The following CACNB2 variants were observed in gnomAD, a reference collection of about 807,000 sequenced individuals.
The protein encoded by CACNB2 is calcium voltage-gated channel auxiliary subunit beta 2, also known as voltage-dependent L-type calcium channel subunit beta-2.
CACNB2 carries 42 observed loss-of-function variants against 73.3 expected under a neutral mutation model. The ratio of observed to expected loss-of-function variants is 0.57; its 90% CI spans 0.45 to 0.74. The LOEUF is 0.74. Ranked by LOEUF, CACNB2 falls within the 30% of genes least tolerant of loss-of-function variation. CACNB2 has a pLI of 0.00. For synonymous variants in CACNB2, 348 were observed against 310.3 expected, an observed-to-expected ratio of 1.12 and a Z score of -1.28; for missense variants, 940 against 853.0, an observed-to-expected ratio of 1.10 and a Z score of -1.27.
At chr10:18,243,363 T>A (rs532562159) in intron 2 of CACNB2, among the ~76,000 whole-genome samples, 2 of 152,220 alleles carry the variant, frequency 1.3e-5, no homozygotes, top group East Asian at 1.9e-4. Context: ...GAATTTTGTG[T>A]TTAAGGGTAG....
chr10:18,514,115 T>C (rs1589616867), intron 6 of CACNB2, 121 bp from the exon 7 acceptor site: 4 of 974,034 alleles, frequency 4.1e-6, no homozygotes, highest in Middle Eastern at 2.8e-4. Context: ...TCTTGCGTAC[T>C]GTGTTGAGCA....
At chr10:18,279,194 C>T (rs1588921522) in intron 2 of CACNB2, among the ~76,000 whole-genome samples, 1 of 152,288 alleles carries the variant, frequency 6.6e-6, no homozygotes, top group East Asian at 1.9e-4. Context: ...TGTCCCAGAA[C>T]TGGTAAAACA....
chr10:18,277,003 G>C (rs2038322560), intron 2 of CACNB2, among the ~76,000 whole-genome samples: 1 of 152,324 alleles, frequency 6.6e-6, no homozygotes, highest in African/African-American at 2.4e-5. Flanking sequence ...TGCAGTCCCA[G>C]CTACTTGGGA....
At chr10:18,241,913 C>T (rs575831683) in intron 2 of CACNB2, among the ~76,000 whole-genome samples, 1 of 151,966 alleles carries the variant, frequency 6.6e-6, no homozygotes, top group African/African-American at 2.4e-5. Context: ...GTGGATTGAT[C>T]ATCTTGGTTA....
intron 2 of CACNB2, among the ~76,000 whole-genome samples, chr10:18,336,963 C>G (rs1183370711): frequency 6.6e-6 from 1 of 152,200 alleles, no homozygotes; most frequent in Non-Finnish European, 1.5e-5. Context: ...TAAATACCCT[C>G]AAACCACTAC....
At chr10:18,360,106 A>T (rs538494798) in intron 2 of CACNB2, among the ~76,000 whole-genome samples, 1 of 152,322 alleles carries the variant, frequency 6.6e-6, no homozygotes, top group East Asian at 1.9e-4. Flanking sequence ...ATGAATCAAC[A>T]TTGTAAGAAC....
At chr10:18,451,614 A>G (rs2047026623) in intron 3 of CACNB2, among the ~76,000 whole-genome samples, 1 of 151,992 alleles carries the variant, frequency 6.6e-6, no homozygotes, top group Non-Finnish European at 1.5e-5. Context: ...ATGTTTGACC[A>G]TTTTCTTTGT....
intron 2 of CACNB2, among the ~76,000 whole-genome samples, chr10:18,215,938 A>G (rs2035493635): frequency 6.6e-6 from 1 of 152,130 alleles, no homozygotes; most frequent in South Asian, 2.1e-4. Context: ...GCTTATGGTT[A>G]TGTAGACTTT....
rs756678637 is a variant in CACNB2, at chr10:18,150,853, G to GTATTTTTTTTTTT, written c.121-29_121-28insATTTTTTTTTTTT. The GTATTTTTTTTTTT allele has an allele frequency of 8.1e-5, 53 of 655,448 alleles. 1 individual carries two copies. Among genetic ancestry groups the GTATTTTTTTTTTT allele is most frequent in the Non-Finnish European group, 9.9e-5 (48 of 482,544 alleles). The allele number at this position is 655,448 out of a possible 1,614,324, so 40.6% of individuals were successfully genotyped here. On this transcript the variant is annotated intron_variant, in intron 1 of 13. Coordinates refer to ENST00000324631, the MANE Select transcript of CACNB2 (RefSeq NM_201596.3). ...AAAGGGTCTCATAATAATCTTATTT[G>GTATTTTTTTTTTT]TCTTTTTTTTTTTTTTTTTTTTTTT... is the stretch of plus-strand genomic sequence containing the variant.
In CACNB2 at chr10:18,140,757, C is replaced by T; in HGVS notation, c.21C>T (p.Ser7=). 1 of 1,595,226 alleles carries T rather than the reference C, an allele frequency of 6.3e-7. No homozygotes were observed. The highest frequency in any genetic ancestry group is 8.5e-7 in the Non-Finnish European group (1 of 1,172,492). MVQRDM[S]KSPPTAAAAV... is the part of the protein sequence containing the mutation. ...CGCCAATGGTCCAAAGGGACATGTC[C>T]AAGTCGCCTCCCACAGCGGCGGCGG... The change falls in exon 1 of 14, where the codon TCC becomes TCT. Residue 7 remains serine (S), a synonymous_variant. Transcript: ENST00000324631.
At chr10:18,246,973 CATA>C (rs2036887661) in intron 2 of CACNB2, among the ~76,000 whole-genome samples, 1 of 152,142 alleles carries the variant, frequency 6.6e-6, no homozygotes, top group Non-Finnish European at 1.5e-5. Flanking sequence ...GCCTGCCTTG[CATA>C]CCCCGTGAAA....
At chr10:18,530,776 C>G (rs999750952) in intron 10 of CACNB2, among the ~76,000 whole-genome samples, 1 of 152,146 alleles carries the variant, frequency 6.6e-6, no homozygotes, top group Admixed American at 6.6e-5. Context: ...GTAACTATAA[C>G]GGAAGCTTTG....
chr10:18,297,392 G>A (rs1338116099), intron 2 of CACNB2, among the ~76,000 whole-genome samples: 2 of 152,040 alleles, frequency 1.3e-5, no homozygotes, highest in Non-Finnish European at 2.9e-5. Context: ...AAAACATTTA[G>A]AAGAATTTTT....
rs187058817 is a variant in CACNB2 at position 18,371,374 on chromosome 10, C to T, written c.214-30550C>T. On this transcript the variant is annotated intron_variant, in intron 2 of 13. Coordinates refer to ENST00000324631, the MANE Select transcript of CACNB2 (RefSeq NM_201596.3). The stretch of plus-strand genomic sequence containing the variant: ...CTCCCCCCTTTCCCCGACCCCACAA[C>T]GGGCCCCGGTGTGTGATGTTCCCCT... Among the ~76,000 whole-genome samples, 558 of 152,136 alleles carry T rather than the reference C, an allele frequency of 3.7e-3. 4 individuals carry two copies. Among genetic ancestry groups the T allele is most frequent in the African/African-American group, 0.012 (481 of 41,482 alleles).
chr10:18,210,403 T>A (rs180902805), intron 2 of CACNB2, among the ~76,000 whole-genome samples: 4 of 152,282 alleles, frequency 2.6e-5, no homozygotes, highest in Non-Finnish European at 4.4e-5. Context: ...ACTCTTTATA[T>A]AACTGTCTTT....
At chr10:18,210,922 T>C (rs11013023) in intron 2 of CACNB2, among the ~76,000 whole-genome samples, 2,239 of 152,342 alleles carry the variant, frequency 0.015, 75 homozygotes, top group East Asian at 0.14. Flanking sequence ...CCATTTCTTA[T>C]CTGCATGCCT....
chr10:18,332,298 C>G (rs537913186), intron 2 of CACNB2, among the ~76,000 whole-genome samples: 1 of 151,968 alleles, frequency 6.6e-6, no homozygotes. Context: ...GTTGGATTTG[C>G]GAAATACTTT....
chr10:18,441,725 C>G (rs530597848), intron 3 of CACNB2, among the ~76,000 whole-genome samples: 1 of 152,118 alleles, frequency 6.6e-6, no homozygotes, highest in Non-Finnish European at 1.5e-5. Flanking sequence ...GCCTTGATCT[C>G]CTGGGTTCAA....
chr10:18,289,152 G>A (rs2038937788), intron 2 of CACNB2, among the ~76,000 whole-genome samples: 1 of 152,054 alleles, frequency 6.6e-6, no homozygotes. Flanking sequence ...AACTTTAGTT[G>A]TAATATCAAG....
Sources: gnomAD v4.1 joint callset for allele counts (sites outside exome capture counted in the v4.1 genomes callset) on GRCh38, gnomAD v4.1.1 for gene constraint, MANE v1.5 for transcripts, NCBI Gene and HGNC (gene_info 2026-07-23, HGNC 2026-07-21) for gene names.